NUCB1: variants seen among roughly 807,000 people sequenced by gnomAD.
The protein encoded by NUCB1 is nucleobindin-1.
A neutral mutation model predicts 61.2 loss-of-function variants in NUCB1; 47 were observed. That is an observed-to-expected ratio of 0.77 (90% CI 0.61 to 0.98). The LOEUF (loss-of-function observed/expected upper bound fraction) is 0.98. NUCB1 is among the 50% of genes least tolerant of loss of function. The pLI, the probability that NUCB1 is intolerant of heterozygous loss-of-function variation, is 0.00. For synonymous variants in NUCB1, 234 were observed against 243.1 expected (o/e 0.96, Z 0.35); for missense variants, 583 against 605.3 (o/e 0.96, Z 0.39).
rs773125366 is a variant in NUCB1 at position 48,901,009 on chromosome 19, G to A, written c.135+78G>A. 3.2e-6 allele frequency: 5 copies of A among 1,560,326 alleles called. No homozygotes were observed. The African/African-American group carries it at 6.8e-5, about 21-fold the overall frequency. ...TCCTGCAGACCCCGGTGCCCGTAGGGCGGATGCTCCAGTGACTTCCTGGCC... is the reference window on the plus strand; with the variant it reads ...TCCTGCAGACCCCGGTGCCCGTAGGACGGATGCTCCAGTGACTTCCTGGCC... On this transcript the variant is annotated intron_variant, in intron 2 of 12. Coordinates refer to ENST00000405315, the MANE Select transcript of NUCB1 (RefSeq NM_006184.6).
Position 48,922,464 on chromosome 19 carries a change from A to C in NUCB1, c.*40A>C. On this transcript the variant is annotated 3_prime_UTR_variant, in exon 13 of 13. Transcript: ENST00000405315. ...AGCCCTCAGGATTCCTGATGCTCCA[A>C]GGCGACTGATGGGCGCTGGATGAAG... The C allele has an allele frequency of 6.6e-7, 1 of 1,518,736 alleles. No homozygotes were observed. The highest frequency in any genetic ancestry group is 9.1e-7 in the Non-Finnish European group (1 of 1,093,970). The allele number at this position is 1,518,736 out of a possible 1,614,324, so 94.1% of individuals were successfully genotyped here.
chr19:48,907,513 G>T (rs909456027), intron 4 of NUCB1, among the ~76,000 whole-genome samples: 2 of 152,062 alleles, frequency 1.3e-5, no homozygotes, highest in African/African-American at 4.8e-5. Context: ...GACTTCAAGT[G>T]ATCCTCCTGT....
At chr19:48,913,608 T>C (rs2037504838) in intron 7 of NUCB1, 44 bp downstream of exon 7, 1 of 1,501,298 alleles carries the variant, frequency 6.7e-7, no homozygotes, top group Non-Finnish European at 9.3e-7. Context: ...AACCCTAGAT[T>C]CTGACCCTTC....
chr19:48,907,324 G>A (rs891764369), intron 4 of NUCB1, among the ~76,000 whole-genome samples: 1 of 139,262 alleles, frequency 7.2e-6, no homozygotes, highest in African/African-American at 2.7e-5. Context: ...CTCCCAGGCT[G>A]CACTACAGTG....
chr19:48,913,216 C>A lies in NUCB1; in HGVS notation c.666+20C>A. On this transcript the variant is annotated intron_variant, in intron 6 of 12. Coordinates refer to ENST00000405315, the MANE Select transcript of NUCB1 (RefSeq NM_006184.6). ...GTGCCTGTGAGGACCCCATTTGTGCCCATCCACTCCCTACCACATCCAGTT... is the reference window on the plus strand; with the variant it reads ...GTGCCTGTGAGGACCCCATTTGTGCACATCCACTCCCTACCACATCCAGTT... 6.3e-7 allele frequency: 1 copy of A among 1,594,776 alleles called. No individual in the cohort carries two copies. The highest frequency in any genetic ancestry group is 1.1e-5 in the South Asian group (1 of 88,982).
intron 10 of NUCB1, among the ~76,000 whole-genome samples, chr19:48,920,546 A>G (rs1333233674): frequency 1.3e-5 from 2 of 151,848 alleles, no homozygotes; most frequent in African/African-American, 2.4e-5. Flanking sequence ...TTTTCAATAC[A>G]GAGTTTTGCT....
intron 7 of NUCB1, among the ~76,000 whole-genome samples, chr19:48,916,530 G>C (rs1419449262): frequency 1.3e-5 from 2 of 152,034 alleles, no homozygotes; most frequent in Non-Finnish European, 2.9e-5. Context: ...AGAGGTGGGA[G>C]GATCACTTGA....
chr19:48,900,638 G>C, intron 1 of NUCB1, 148 bp from the exon 2 acceptor site: 3 of 1,078,352 alleles, frequency 2.8e-6, no homozygotes, highest in Non-Finnish European at 2.7e-6. Context: ...AAGGCCGGAG[G>C]CCTGGAATCC....
At chr19:48,905,716 A>C in intron 3 of NUCB1, 37 bp from the exon 4 acceptor site, 3 of 1,612,320 alleles carry the variant, frequency 1.9e-6, no homozygotes, top group Non-Finnish European at 2.5e-6. Flanking sequence ...GACAGAGAGC[A>C]GGCCCCCAGG....
intron 8 of NUCB1, 86 bp from the exon 9 acceptor site, chr19:48,918,944 C>A: frequency 7.0e-7 from 1 of 1,428,002 alleles, no homozygotes; most frequent in East Asian, 2.3e-5. Context: ...GGTAGCGTGC[C>A]CAAAGGACTG....
intron 7 of NUCB1, among the ~76,000 whole-genome samples, chr19:48,917,821 T>G (rs1323787495): frequency 1.3e-5 from 2 of 151,536 alleles, no homozygotes; most frequent in Non-Finnish European, 2.9e-5. Flanking sequence ...TTTTTTTTTT[T>G]TGTAGAGACG....
chr19:48,922,205 AGGGGCTGGGGGCT>A, intron 12 of NUCB1, 100 bp from the exon 13 acceptor site: 2 of 405,972 alleles, frequency 4.9e-6, no homozygotes, highest in Non-Finnish European at 7.5e-6. Context: ...GTGAGGGAGG[AGGGGCTGGGGGCT>A]GGACCCCTGG....
chr19:48,911,681 C>T (rs2037475690), intron 5 of NUCB1, among the ~76,000 whole-genome samples: 1 of 152,048 alleles, frequency 6.6e-6, no homozygotes, highest in Non-Finnish European at 1.5e-5. Context: ...GCTGGGATTA[C>T]AAGTGTCAGC....
intron 2 of NUCB1, among the ~76,000 whole-genome samples, chr19:48,901,505 TG>T (rs1390599725): frequency 1.3e-5 from 2 of 152,244 alleles, no homozygotes; most frequent in African/African-American, 4.8e-5. Flanking sequence ...GGCTCATGCC[TG>T]TAATCCTAGC....
chr19:48,904,405 A>G lies in NUCB1; in HGVS notation c.194A>G (p.Asp65Gly). 1 of 1,596,370 alleles carries G rather than the reference A, an allele frequency of 6.3e-7. No individual in the cohort carries two copies. The highest frequency in any genetic ancestry group is 1.7e-5 in the Admixed American group (1 of 59,154). The change falls in exon 3 of 13, where the codon GAT becomes GGT. Residue 65 changes from aspartate (D) to glycine (G), a missense_variant. Asp to Gly is a moderately conservative substitution (Grantham distance 94). Transcript: ENST00000405315. ...GAGGTCATCGATGTACTGGAGACGG[A>G]TGGGCATTTCCGAGAGAAGCTGCAG... Reference protein sequence around the residue: ...LQEVIDVLETDGHFREKLQAA... With the variant: ...LQEVIDVLETGGHFREKLQAA...
intron 5 of NUCB1, among the ~76,000 whole-genome samples, chr19:48,912,040 C>A (rs1472116840): frequency 7.7e-6 from 1 of 130,148 alleles, no homozygotes; most frequent in Non-Finnish European, 1.7e-5. Context: ...TTTTTTTTTA[C>A]CTGAGACAGC....
rs376336743 is a variant in NUCB1, at chr19:48,902,879, GA to G, written c.136-1467del. Among the ~76,000 whole-genome samples, 31 of 151,944 alleles carry G rather than the reference GA, an allele frequency of 2.0e-4. 1 individual carries two copies. The South Asian group carries it at 3.7e-3, about 18-fold the overall frequency. On this transcript the variant is annotated intron_variant, in intron 2 of 12. Coordinates refer to ENST00000405315, the MANE Select transcript of NUCB1 (RefSeq NM_006184.6). The stretch of plus-strand genomic sequence containing the variant: ...AGCAGGGAGAGTGAGAGGGAGGGGA[GA>G]GGGGGATTATGTGGATCATGTGGGA...
intron 4 of NUCB1, 36 bp downstream of exon 4, chr19:48,905,921 G>T: frequency 6.7e-7 from 1 of 1,484,248 alleles, no homozygotes; most frequent in Non-Finnish European, 9.2e-7. Context: ...CAGGCAGGGA[G>T]GGGTGGGGAA....
Position 48,919,423 on chromosome 19 carries a change from G to A in NUCB1, c.1002+137G>A, listed in dbSNP as rs570041507. 22 of 553,404 alleles carry A rather than the reference G, an allele frequency of 4.0e-5. No individual in the cohort carries two copies. In the South Asian group the frequency reaches 5.3e-4, roughly 13 times the overall value. The allele number at this position is 553,404 out of a possible 1,614,324, so 34.3% of individuals were successfully genotyped here. A position where few individuals can be genotyped will look rare whatever the true frequency, so the allele number is the denominator to read the frequency against. On this transcript the variant is annotated intron_variant, in intron 10 of 12. Coordinates refer to ENST00000405315, the MANE Select transcript of NUCB1 (RefSeq NM_006184.6). ...CTGGGTCACTGCATCTCTATCTCTG[G>A]GTCTCTGTTTTCCCCTGTCTCTAGG...
Sources: allele counts gnomAD v4.1 joint callset (sites outside exome capture counted in the v4.1 genomes callset), GRCh38; gene constraint gnomAD v4.1.1; transcripts MANE v1.5; gene names NCBI Gene and HGNC (gene_info 2026-07-23, HGNC 2026-07-21).